Variants in KLRG1 observed in about 807,000 individuals in gnomAD.
KLRG1 encodes killer cell lectin like receptor G1.
KLRG1 carries 16 observed loss-of-function variants against 21.8 expected under a neutral mutation model. The observed-to-expected ratio is 0.73, with a 90% CI of 0.50 to 1.11. KLRG1 has a LOEUF of 1.11. Ranked by LOEUF, KLRG1 falls within the 50% of genes most tolerant of loss-of-function variation. The pLI is 0.00. For synonymous variants in KLRG1, 69 were observed against 75.9 expected (o/e 0.91, Z 0.47); for missense variants, 173 against 218.3 (o/e 0.79, Z 1.31).
the KLRG1 span, among the ~76,000 whole-genome samples, chr12:9,086,289 T>A: frequency 6.6e-6 from 1 of 152,138 alleles, no homozygotes; most frequent in Non-Finnish European, 1.5e-5. Flanking sequence ...CACCTGTGGG[T>A]GGCTGAGGTG....
At chr12:8,984,835 T>C (rs754366425), upstream of KLRG1, among the ~76,000 whole-genome samples, 109 of 152,348 alleles carry the variant, frequency 7.2e-4, 1 homozygote, top group African/African-American at 2.3e-3. Context: ...TATTGTATGC[T>C]AGATATTAAA....
the KLRG1 span, among the ~76,000 whole-genome samples, chr12:9,211,828 C>G: frequency 6.6e-6 from 1 of 152,176 alleles, no homozygotes; most frequent in Non-Finnish European, 1.5e-5. Context: ...GGAGGTAGAG[C>G]CAGGTCACAT....
At chr12:9,023,911 CT>C in the KLRG1 span, among the ~76,000 whole-genome samples, 1 of 148,028 alleles carries the variant, frequency 6.8e-6, no homozygotes. Context: ...TTTTTTTTTT[CT>C]TATAAATGCC....
intron 3 of KLRG1, among the ~76,000 whole-genome samples, chr12:9,001,973 C>G (rs1467505192): frequency 6.6e-6 from 1 of 151,976 alleles, no homozygotes; most frequent in Non-Finnish European, 1.5e-5. Flanking sequence ...AAAGTTGCAA[C>G]CAGATTTTAT....
At chr12:8,984,860 G>A (rs568723746), upstream of KLRG1, among the ~76,000 whole-genome samples, 17 of 152,106 alleles carry the variant, frequency 1.1e-4, no homozygotes, top group South Asian at 3.5e-3. Flanking sequence ...ATGCATTATG[G>A]CTAATCTGTG....
At chr12:9,194,116 G>T in the KLRG1 span, 1 of 1,613,884 alleles carries the variant, frequency 6.2e-7, no homozygotes, top group South Asian at 1.1e-5. Flanking sequence ...TGGTAGTATT[G>T]ATTGAAAACT....
chr12:9,198,197 A>G, the KLRG1 span, among the ~76,000 whole-genome samples: 2 of 151,536 alleles, frequency 1.3e-5, no homozygotes, highest in South Asian at 4.2e-4. Context: ...AGCTTTTTAA[A>G]AAGATTAGCT....
the KLRG1 span, chr12:9,160,102 C>A: frequency 7.2e-7 from 1 of 1,384,932 alleles, no homozygotes; most frequent in South Asian, 1.2e-5. Flanking sequence ...CTCATGCATC[C>A]AGGCGCCATG....
the KLRG1 span, among the ~76,000 whole-genome samples, chr12:9,201,921 C>T: frequency 4.6e-5 from 7 of 151,834 alleles, no homozygotes; most frequent in Admixed American, 2.6e-4. Context: ...CTATATGTAT[C>T]GAATATATAA....
chr12:9,050,379 A>G, the KLRG1 span, among the ~76,000 whole-genome samples: 1 of 152,352 alleles, frequency 6.6e-6, no homozygotes. Context: ...AGATTTCATT[A>G]GCTTCCTATT....
the KLRG1 span, among the ~76,000 whole-genome samples, chr12:9,022,282 A>G: frequency 3.9e-5 from 6 of 152,316 alleles, no homozygotes; most frequent in South Asian, 2.1e-4. Flanking sequence ...CTGCCTCACC[A>G]CAAATACCTG....
At chr12:9,165,318 C>T in the KLRG1 span, 6 of 1,613,998 alleles carry the variant, frequency 3.7e-6, no homozygotes, top group South Asian at 1.1e-5. Context: ...GCCTTCCACT[C>T]GGTGATGGTG....
chr12:9,154,256 G>C, the KLRG1 span, among the ~76,000 whole-genome samples: 1 of 152,190 alleles, frequency 6.6e-6, no homozygotes, highest in Admixed American at 6.5e-5. Flanking sequence ...GGATACTATT[G>C]AATATTTTAT....
chr12:9,083,914 AT>A, the KLRG1 span, among the ~76,000 whole-genome samples: 1 of 152,184 alleles, frequency 6.6e-6, no homozygotes, highest in South Asian at 2.1e-4. Context: ...ACAAAAAAAA[AT>A]TCTGAAAAGC....
At chr12:9,023,102 G>A in the KLRG1 span, among the ~76,000 whole-genome samples, 1 of 152,242 alleles carries the variant, frequency 6.6e-6, no homozygotes, top group Non-Finnish European at 1.5e-5. Context: ...AGGATACCTA[G>A]ATTTAGAGCC....
chr12:9,113,992 C>T, the KLRG1 span, among the ~76,000 whole-genome samples: 1 of 152,158 alleles, frequency 6.6e-6, no homozygotes, highest in Non-Finnish European at 1.5e-5. Context: ...ACACATTCAG[C>T]AGCCCTGTGA....
the KLRG1 span, among the ~76,000 whole-genome samples, chr12:9,051,712 C>T: frequency 1.2e-4 from 19 of 152,308 alleles, no homozygotes; most frequent in East Asian, 2.7e-3. Flanking sequence ...TCTGTTAACA[C>T]GCTTGATAAA....
the KLRG1 span, chr12:9,151,731 G>C: frequency 7.3e-7 from 1 of 1,365,274 alleles, no homozygotes; most frequent in Non-Finnish European, 1.0e-6. Context: ...AATGGTGTGA[G>C]ATCTAGAGCA....
chr12:9,104,830 GC>G, the KLRG1 span, among the ~76,000 whole-genome samples: 1 of 152,104 alleles, frequency 6.6e-6, no homozygotes, highest in Non-Finnish European at 1.5e-5. Flanking sequence ...ATTTATTTGT[GC>G]CCCAAACACC....
Sources: allele counts gnomAD v4.1 joint callset (sites outside exome capture counted in the v4.1 genomes callset), GRCh38; gene constraint gnomAD v4.1.1; transcripts MANE v1.5; gene names NCBI Gene and HGNC (gene_info 2026-07-23, HGNC 2026-07-21).